The following PRDM16 variants were observed in gnomAD, a reference collection of about 807,000 sequenced individuals.
PRDM16 encodes the protein histone-lysine N-methyltransferase PRDM16.
PRDM16 carries 23 observed loss-of-function variants against 110.6 expected under a neutral mutation model. The ratio of observed to expected loss-of-function variants is 0.21; its 90% CI spans 0.15 to 0.29. The LOEUF is 0.29. Ranked by LOEUF, PRDM16 falls within the 10% of genes least tolerant of loss-of-function variation. The probability of loss-of-function intolerance (pLI) is 1.00; values close to 1 mark genes in which losing one functional copy is unlikely to be tolerated. For synonymous variants in PRDM16, 799 were observed against 781.8 expected (o/e 1.02, Z -0.37); for missense variants, 1,615 against 1,794.3 (o/e 0.90, Z 1.81).
chr1:3,181,027 T>TGC (rs1557507644), intron 1 of PRDM16, among the ~76,000 whole-genome samples: 3 of 129,840 alleles, frequency 2.3e-5, no homozygotes, highest in East Asian at 4.8e-4. Context: ...AATGCGGTCT[T>TGC]ACACGCGGTC....
chr1:3,360,108 T>C (rs1377333914), intron 3 of PRDM16, among the ~76,000 whole-genome samples: 1 of 148,512 alleles, frequency 6.7e-6, no homozygotes, highest in African/African-American at 2.6e-5. Flanking sequence ...TTTTATCTCA[T>C]CGTCCAGGAC....
At chr1:3,369,049 A>C (rs904017052) in intron 3 of PRDM16, among the ~76,000 whole-genome samples, 2 of 152,224 alleles carry the variant, frequency 1.3e-5, no homozygotes, top group Non-Finnish European at 2.9e-5. Context: ...CCTGGGCTTA[A>C]ATAGATGTCT....
intron 2 of PRDM16, among the ~76,000 whole-genome samples, chr1:3,188,928 G>C (rs980254151): frequency 2.8e-4 from 43 of 152,218 alleles, no homozygotes; most frequent in African/African-American, 9.6e-4. Context: ...AGCCACCTCA[G>C]TTGGGGCCTT....
Position 3,080,327 on chromosome 1 carries a change from G to C in PRDM16, c.37+11031G>C, listed in dbSNP as rs779473061. On this transcript the variant is annotated intron_variant, in intron 1 of 16. Coordinates refer to ENST00000270722, the MANE Select transcript of PRDM16 (RefSeq NM_022114.4). This position sits in a 1 kb window ranked among gnomAD's most constrained non-coding sequence, Gnocchi z 5.2. The stretch of plus-strand genomic sequence containing the variant: ...TCCCAGCCCAGGCTGAGCGTACAGC[G>C]AGTGACTGACAGAATACAAATGGTG... 6.6e-6 allele frequency among the ~76,000 whole-genome samples: 1 copy of C among 152,194 alleles called. No individual in the cohort carries two copies. Among genetic ancestry groups the C allele is most frequent in the Non-Finnish European group, 1.5e-5 (1 of 68,042 alleles).
chr1:3,223,248 G>A (rs1485280311), intron 2 of PRDM16, among the ~76,000 whole-genome samples: 1 of 151,526 alleles, frequency 6.6e-6, no homozygotes, highest in Non-Finnish European at 1.5e-5. Context: ...AACACACCCT[G>A]GGCCAGTTTT....
intron 3 of PRDM16, among the ~76,000 whole-genome samples, chr1:3,271,347 C>T (rs972665067): frequency 3.3e-5 from 5 of 152,176 alleles, no homozygotes; most frequent in Non-Finnish European, 7.4e-5. Context: ...CCCTTTTCTT[C>T]CTAGCAGAGC....
At chr1:3,363,933 A>G (rs1191610443) in intron 3 of PRDM16, among the ~76,000 whole-genome samples, 1 of 151,484 alleles carries the variant, frequency 6.6e-6, no homozygotes, top group Non-Finnish European at 1.5e-5. Flanking sequence ...CGCTACGCAC[A>G]CCTCAGCCCT....
At chr1:3,258,597 T>C (rs1450107447) in intron 3 of PRDM16, among the ~76,000 whole-genome samples, 1 of 152,260 alleles carries the variant, frequency 6.6e-6, no homozygotes, top group African/African-American at 2.4e-5. Flanking sequence ...ACCTCGCCTC[T>C]GTTATTTCTG....
intron 3 of PRDM16, among the ~76,000 whole-genome samples, chr1:3,297,970 G>A (rs1641125890): frequency 6.6e-6 from 1 of 152,068 alleles, no homozygotes; most frequent in Admixed American, 6.6e-5. Flanking sequence ...AGCTCTGCAG[G>A]GGCCAGACTG....
chr1:3,275,116 C>T (rs939482078), intron 3 of PRDM16, among the ~76,000 whole-genome samples: 1 of 152,244 alleles, frequency 6.6e-6, no homozygotes, highest in African/African-American at 2.4e-5. Flanking sequence ...AAATGTGCCG[C>T]CAGGCACTGG....
chr1:3,310,321 G>T (rs1032332997), intron 3 of PRDM16, among the ~76,000 whole-genome samples: 1 of 152,180 alleles, frequency 6.6e-6, no homozygotes, highest in Non-Finnish European at 1.5e-5. Flanking sequence ...TCAGCCTTGG[G>T]AGTCGAGTGC....
chr1:3,410,023 G>A (rs111524518), intron 8 of PRDM16, among the ~76,000 whole-genome samples: 3,048 of 146,090 alleles, frequency 0.021, 113 homozygotes, highest in African/African-American at 0.076. Flanking sequence ...TGTGCTGTGT[G>A]TGCATGTGTG....
chr1:3,372,197 C>T (rs1642919064), intron 3 of PRDM16, among the ~76,000 whole-genome samples: 1 of 152,228 alleles, frequency 6.6e-6, no homozygotes, highest in Admixed American at 6.5e-5. Context: ...CCCAGGGGTC[C>T]TTGGTAGGTT....
intron 3 of PRDM16, among the ~76,000 whole-genome samples, chr1:3,285,190 T>C (rs1181592640): frequency 6.6e-6 from 1 of 152,132 alleles, no homozygotes; most frequent in East Asian, 1.9e-4. Flanking sequence ...TGAGGTGGGC[T>C]GTGTGGACTG....
chr1:3,164,614 A>G (rs148498885), intron 1 of PRDM16, among the ~76,000 whole-genome samples: 1 of 152,276 alleles, frequency 6.6e-6, no homozygotes, highest in African/African-American at 2.4e-5. Flanking sequence ...GTCTCTGGAA[A>G]CCATGGTCGG....
Position 3,242,095 on chromosome 1 carries a change from C to A in PRDM16, c.388-1992C>A, listed in dbSNP as rs116184729. Among the ~76,000 whole-genome samples, 482 of 152,318 alleles carry A rather than the reference C, an allele frequency of 3.2e-3. 1 individual carries two copies. The highest frequency in any genetic ancestry group is 0.01 in the Middle Eastern group (3 of 294). ...GAGCCTCCCGGAAAATGCCCAGAGG[C>A]CACCAAATGCTCCCAGGCCAGCGCC... On this transcript the variant is annotated intron_variant, in intron 2 of 16. Transcript: ENST00000270722.
chr1:3,253,048 C>T (rs918971466), intron 3 of PRDM16, among the ~76,000 whole-genome samples: 2 of 152,136 alleles, frequency 1.3e-5, no homozygotes, highest in African/African-American at 2.4e-5. Context: ...CTGCGCTTGT[C>T]ACCCTCGCTT....
chr1:3,081,250 C>T lies in PRDM16; in HGVS notation c.37+11954C>T, dbSNP rs1017845803. 3.9e-5 allele frequency among the ~76,000 whole-genome samples: 6 copies of T among 152,344 alleles called. No homozygotes were observed. The highest frequency in any genetic ancestry group is 2.1e-4 in the South Asian group (1 of 4,824). The stretch of plus-strand genomic sequence containing the variant: ...GGCGGGACTTGGGTTCGAGGCCCCT[C>T]GCGGCTGTACCCCGAGTCCCCCGTG... On this transcript the variant is annotated intron_variant, in intron 1 of 16. Transcript: ENST00000270722. This position sits in a 1 kb window ranked among gnomAD's most constrained non-coding sequence, Gnocchi z 4.6.
At chr1:3,362,074 G>A (rs1005890797) in intron 3 of PRDM16, among the ~76,000 whole-genome samples, 68 of 152,316 alleles carry the variant, frequency 4.5e-4, no homozygotes, top group African/African-American at 1.5e-3. Context: ...CTGGTCCCGG[G>A]GACATCTGTC....
Sources: gnomAD v4.1 joint callset for allele counts (sites outside exome capture counted in the v4.1 genomes callset) on GRCh38, gnomAD v4.1.1 for gene constraint, Gnocchi (gnomAD v3.1) non-coding constraint, MANE v1.5 for transcripts, NCBI Gene and HGNC (gene_info 2026-07-23, HGNC 2026-07-21) for gene names.